Variants in GPC5 observed in about 807,000 individuals in gnomAD.
GPC5 encodes glypican-5.
Under a neutral mutation model 53.9 loss-of-function variants are expected in GPC5, and 47 were observed. The ratio of observed to expected loss-of-function variants is 0.87; its 90% CI spans 0.69 to 1.11. The LOEUF (loss-of-function observed/expected upper bound fraction) is 1.11, where lower values mean the gene tolerates loss of function less well. GPC5 is among the 50% of genes most tolerant of loss of function. The pLI, the probability that GPC5 is intolerant of heterozygous loss-of-function variation, is 0.00. For missense variants in GPC5, 748 were observed against 713.1 expected, an observed-to-expected ratio of 1.05 and a Z score of -0.56; for synonymous variants, 286 against 263.3, an observed-to-expected ratio of 1.09 and a Z score of -0.84.
intron 2 of GPC5, among the ~76,000 whole-genome samples, chr13:91,634,053 T>C (rs576662493): frequency 6.6e-6 from 1 of 152,132 alleles, no homozygotes; most frequent in Non-Finnish European, 1.5e-5. Context: ...TATCTCTCAG[T>C]TGGTGTCAAG....
chr13:92,835,008 G>A (rs1340990865), intron 7 of GPC5, among the ~76,000 whole-genome samples: 1 of 152,026 alleles, frequency 6.6e-6, no homozygotes, highest in African/African-American at 2.4e-5. Context: ...TCTCTCTCGA[G>A]CTTGGTTTGT....
chr13:92,363,434 G>T (rs2043584366), intron 7 of GPC5, among the ~76,000 whole-genome samples: 1 of 151,658 alleles, frequency 6.6e-6, no homozygotes, highest in African/African-American at 2.4e-5. Context: ...TTCCACCTCA[G>T]ATCGTCAGGC....
chr13:92,767,644 TGTTA>T (rs1472276402), intron 7 of GPC5, among the ~76,000 whole-genome samples: 2 of 152,136 alleles, frequency 1.3e-5, no homozygotes, highest in African/African-American at 4.8e-5. Flanking sequence ...CTGCAGTCTC[TGTTA>T]GTTACACTGT....
At chr13:91,665,505 C>CTTTTTTTTTTTTTT (rs371605806) in intron 2 of GPC5, among the ~76,000 whole-genome samples, 1 of 146,132 alleles carries the variant, frequency 6.8e-6, no homozygotes, top group African/African-American at 2.6e-5. Context: ...AAAAGCCAGT[C>CTTTTTTTTTTTTTT]TTTTTTTTTT....
At chr13:91,490,731 G>A (rs976953876) in intron 2 of GPC5, among the ~76,000 whole-genome samples, 10 of 152,212 alleles carry the variant, frequency 6.6e-5, no homozygotes, top group African/African-American at 2.2e-4. Flanking sequence ...CCAGCCCAGA[G>A]AGAAAAAGCT....
chr13:92,090,594 T>G (rs1416155869), intron 6 of GPC5, among the ~76,000 whole-genome samples: 1 of 152,094 alleles, frequency 6.6e-6, no homozygotes, highest in Admixed American at 6.5e-5. Context: ...ATCCACCAAT[T>G]TATGATATTT....
chr13:91,556,538 A>AT (rs765946543), intron 2 of GPC5, among the ~76,000 whole-genome samples: 125 of 151,120 alleles, frequency 8.3e-4, no homozygotes, highest in African/African-American at 3.0e-3. Flanking sequence ...ATATATATAT[A>AT]AAATGTGTGT....
At chr13:91,968,072 G>GT (rs2040197488) in intron 6 of GPC5, among the ~76,000 whole-genome samples, 1 of 151,870 alleles carries the variant, frequency 6.6e-6, no homozygotes, top group Non-Finnish European at 1.5e-5. Flanking sequence ...TTCATTTGCT[G>GT]TATTTGTAGA....
At chr13:92,273,316 G>A (rs545190574) in intron 7 of GPC5, among the ~76,000 whole-genome samples, 4 of 152,102 alleles carry the variant, frequency 2.6e-5, no homozygotes, top group African/African-American at 9.6e-5. Flanking sequence ...TAGGCCTGAA[G>A]CAATAACTCC....
chr13:91,838,488 T>G (rs2038747575), intron 5 of GPC5, among the ~76,000 whole-genome samples: 2 of 152,014 alleles, frequency 1.3e-5, no homozygotes, highest in African/African-American at 4.8e-5. Context: ...ATTATGCATG[T>G]TTACAGAGTG....
In GPC5 at chr13:92,246,499, G is replaced by A. The variant is rs533432254; in HGVS notation, c.1561+101510G>A. Among the ~76,000 whole-genome samples the A allele has an allele frequency of 7.2e-5, 11 of 152,124 alleles. 1 individual carries two copies. The South Asian group carries it at 2.3e-3, about 32-fold the overall frequency. On this transcript the variant is annotated intron_variant, in intron 7 of 7. Transcript: ENST00000377067. ...AGATCTCTCTGTCATTTGCCAATAAGCCACACCCCATCTTTACAAACCATC... is the reference window on the plus strand; with the variant it reads ...AGATCTCTCTGTCATTTGCCAATAAACCACACCCCATCTTTACAAACCATC...
At chr13:91,823,514 T>A (rs2038528514) in intron 5 of GPC5, among the ~76,000 whole-genome samples, 1 of 152,118 alleles carries the variant, frequency 6.6e-6, no homozygotes, top group Non-Finnish European at 1.5e-5. Flanking sequence ...TATTAAGTAA[T>A]GTCTTAGCTT....
At chr13:91,640,864 C>T (rs2034408896) in intron 2 of GPC5, among the ~76,000 whole-genome samples, 1 of 151,236 alleles carries the variant, frequency 6.6e-6, no homozygotes, top group Non-Finnish European at 1.5e-5. Flanking sequence ...ATAGCAAAGA[C>T]ATGAAATAAA....
At chr13:91,804,778 A>G (rs1426218681) in intron 5 of GPC5, among the ~76,000 whole-genome samples, 7 of 152,176 alleles carry the variant, frequency 4.6e-5, no homozygotes, top group Admixed American at 4.6e-4. Context: ...TGGCAGGGCA[A>G]AAGTGCAAGA....
chr13:91,728,461 T>G (rs1263969832), intron 3 of GPC5, 71 bp from the exon 4 acceptor site: 14 of 1,481,638 alleles, frequency 9.4e-6, no homozygotes, highest in Non-Finnish European at 1.3e-5. Context: ...TTTTGGGCCC[T>G]ATGAAACATC....
chr13:92,357,917 C>T (rs1014801804), intron 7 of GPC5, among the ~76,000 whole-genome samples: 2 of 151,378 alleles, frequency 1.3e-5, no homozygotes, highest in African/African-American at 4.9e-5. Flanking sequence ...TGCACCTGGC[C>T]CCTACCAAAT....
intron 6 of GPC5, among the ~76,000 whole-genome samples, chr13:92,138,750 G>A (rs1182018408): frequency 2.6e-5 from 4 of 151,956 alleles, no homozygotes; most frequent in African/African-American, 7.3e-5. Flanking sequence ...CACTTGCCCC[G>A]AGGATGGAGC....
intron 6 of GPC5, among the ~76,000 whole-genome samples, chr13:92,076,179 C>A (rs1470911081): frequency 2.0e-5 from 3 of 151,998 alleles, no homozygotes; most frequent in African/African-American, 7.2e-5. Context: ...CGCCATTCTC[C>A]TGCCTCAACC....
intron 2 of GPC5, among the ~76,000 whole-genome samples, chr13:91,519,817 G>A (rs1062212): frequency 6.6e-6 from 1 of 151,930 alleles, no homozygotes; most frequent in East Asian, 1.9e-4. Flanking sequence ...GATTTTTATA[G>A]GAAGGTAATC....
Sources: gnomAD v4.1 joint callset for allele counts (sites outside exome capture counted in the v4.1 genomes callset) on GRCh38, gnomAD v4.1.1 for gene constraint, MANE v1.5 for transcripts, NCBI Gene and HGNC (gene_info 2026-07-23, HGNC 2026-07-21) for gene names.